Variants in ZNF670 observed in about 807,000 individuals in gnomAD.
ZNF670 encodes zinc finger protein 670.
ZNF670 carries 7 observed loss-of-function variants against 10.9 expected under a neutral mutation model. That is an observed-to-expected ratio of 0.64 (90% CI 0.36 to 1.20). The LOEUF (loss-of-function observed/expected upper bound fraction) is 1.20. Ranked by LOEUF, ZNF670 falls within the 50% of genes most tolerant of loss-of-function variation. The pLI, the probability that ZNF670 is intolerant of heterozygous loss-of-function variation, is 0.02. For synonymous variants in ZNF670, 136 were observed against 152.7 expected, an observed-to-expected ratio of 0.89 and a Z score of 0.81; for missense variants, 446 against 458.6, an observed-to-expected ratio of 0.97 and a Z score of 0.25.
At chr1:247,053,559 C>T (rs901933749) in intron 1 of ZNF670, among the ~76,000 whole-genome samples, 1 of 152,148 alleles carries the variant, frequency 6.6e-6, no homozygotes, top group Non-Finnish European at 1.5e-5. Context: ...TGGCGTGAAC[C>T]CGTGAGGTGG....
At chr1:247,070,276 C>T (rs1671084501) in intron 1 of ZNF670, among the ~76,000 whole-genome samples, 1 of 152,156 alleles carries the variant, frequency 6.6e-6, no homozygotes, top group African/African-American at 2.4e-5. Context: ...TCAAGACCAT[C>T]CTGGCTAACA....
intron 1 of ZNF670, among the ~76,000 whole-genome samples, chr1:247,072,809 T>TATATATATATAC (rs1671160885): frequency 2.8e-5 from 1 of 35,632 alleles, no homozygotes; most frequent in Non-Finnish European, 5.3e-5. Flanking sequence ...TGTGTGTATA[T>TATATATATATAC]ATATATATAT....
chr1:247,062,425 C>T (rs905925313), intron 1 of ZNF670, among the ~76,000 whole-genome samples: 13 of 152,318 alleles, frequency 8.5e-5, no homozygotes, highest in Non-Finnish European at 1.3e-4. Flanking sequence ...CCATTTCCTT[C>T]TGGCCTCCTC....
intron 1 of ZNF670, among the ~76,000 whole-genome samples, chr1:247,066,580 C>G (rs1670984629): frequency 6.6e-6 from 1 of 152,148 alleles, no homozygotes; most frequent in African/African-American, 2.4e-5. Flanking sequence ...AAATAACATT[C>G]TAAGGCCCCT....
At chr1:247,056,086 T>C (rs1010311748) in intron 1 of ZNF670, among the ~76,000 whole-genome samples, 1 of 148,202 alleles carries the variant, frequency 6.7e-6, no homozygotes, top group Admixed American at 6.7e-5. Context: ...TTCAACACCC[T>C]ACTTTTAGCA....
intron 1 of ZNF670, among the ~76,000 whole-genome samples, chr1:247,071,148 C>G (rs1258721685): frequency 6.6e-6 from 1 of 152,140 alleles, no homozygotes; most frequent in Non-Finnish European, 1.5e-5. Context: ...CTGAATCATT[C>G]TACCAAAAAG....
At position 247,050,596 on chromosome 1, in the gene ZNF670, C is replaced by T. The variant is rs570160524; in HGVS notation, c.4-11059G>A. ...GTTCAAGCGATCCTCCTGCCTCAGCCACCCGAATAGCTGGGACTACAAGCA... is the reference window on the plus strand; with the variant it reads ...GTTCAAGCGATCCTCCTGCCTCAGCTACCCGAATAGCTGGGACTACAAGCA... On this transcript the variant is annotated intron_variant, in intron 1 of 3. Coordinates refer to ENST00000366503, the MANE Select transcript of ZNF670 (RefSeq NM_033213.5). 1.5e-4 allele frequency among the ~76,000 whole-genome samples: 23 copies of T among 152,168 alleles called. No homozygotes were observed. The South Asian group carries it at 4.8e-3, about 32-fold the overall frequency.
At position 247,037,594 on chromosome 1, in the gene ZNF670, C is replaced by T. The variant is rs774152488; in HGVS notation, c.1025G>A (p.Cys342Tyr). The change falls in exon 4 of 4, where the codon TGT (cysteine) becomes TAT (tyrosine). Residue 342 changes from cysteine (C) to tyrosine (Y), a missense_variant. Transcript: ENST00000366503. ...ACTGGAAGAAGTAAACGACTTACCACATTCCTTACATCCATAAGGTTTCAC... is the reference window on the plus strand; with the variant it reads ...ACTGGAAGAAGTAAACGACTTACCATATTCCTTACATCCATAAGGTTTCAC... Reference protein sequence around the residue: ...TGVKPYGCKECGKSFTSSSAL... With the variant: ...TGVKPYGCKEYGKSFTSSSAL... The T allele has an allele frequency of 6.2e-7, 1 of 1,614,130 alleles. No individual in the cohort carries two copies. Among genetic ancestry groups the T allele is most frequent in the Non-Finnish European group, 8.5e-7 (1 of 1,180,008 alleles).
Position 247,037,590 on chromosome 1 carries a change from A to G in ZNF670, c.1029T>C (p.Gly343=). 4 of 1,614,028 alleles carry G rather than the reference A, an allele frequency of 2.5e-6. No individual in the cohort carries two copies. Among genetic ancestry groups the G allele is most frequent in the Non-Finnish European group, 3.4e-6 (4 of 1,179,994 alleles). The change falls in exon 4 of 4, where the codon GGT becomes GGC. Residue 343 remains glycine (G), a synonymous_variant. Coordinates refer to ENST00000366503, the MANE Select transcript of ZNF670 (RefSeq NM_033213.5). ...GGGCACTGGAAGAAGTAAACGACTTACCACATTCCTTACATCCATAAGGTT... is the reference window on the plus strand; with the variant it reads ...GGGCACTGGAAGAAGTAAACGACTTGCCACATTCCTTACATCCATAAGGTT... The part of the protein sequence containing the change: ...GVKPYGCKEC[G]KSFTSSSALR...
chr1:247,063,491 G>A (rs550837745), intron 1 of ZNF670, among the ~76,000 whole-genome samples: 1 of 151,094 alleles, frequency 6.6e-6, no homozygotes, highest in South Asian at 2.1e-4. Context: ...GCTGAGGCAG[G>A]AGAATGGCGT....
intron 1 of ZNF670, among the ~76,000 whole-genome samples, chr1:247,076,223 A>G (rs978731239): frequency 1.3e-5 from 2 of 151,732 alleles, no homozygotes; most frequent in African/African-American, 4.8e-5. Context: ...CCACCCTCCC[A>G]GGAGACACTG....
At chr1:247,069,843 G>GA (rs1480743018) in intron 1 of ZNF670, among the ~76,000 whole-genome samples, 1 of 152,210 alleles carries the variant, frequency 6.6e-6, no homozygotes, top group Non-Finnish European at 1.5e-5. Flanking sequence ...CAGAGGTTGG[G>GA]AAGTGTAGTC....
intron 1 of ZNF670, among the ~76,000 whole-genome samples, chr1:247,061,587 T>C (rs1356022852): frequency 6.6e-6 from 1 of 152,100 alleles, no homozygotes; most frequent in African/African-American, 2.4e-5. Flanking sequence ...ATAAAAGAAA[T>C]GGCAAGATGG....
At chr1:247,074,424 C>T (rs1311589668) in intron 1 of ZNF670, among the ~76,000 whole-genome samples, 2 of 151,950 alleles carry the variant, frequency 1.3e-5, no homozygotes, top group African/African-American at 4.8e-5. Context: ...TAGTTTGCTC[C>T]TTCCTATGAA....
intron 1 of ZNF670, 48 bp from the exon 2 acceptor site, chr1:247,039,585 T>G: frequency 6.7e-7 from 1 of 1,492,654 alleles, no homozygotes; most frequent in Non-Finnish European, 8.9e-7. Flanking sequence ...AGACAGACAG[T>G]ACTAAGAATC....
chr1:247,051,589 T>C (rs908494495), intron 1 of ZNF670, among the ~76,000 whole-genome samples: 2 of 152,206 alleles, frequency 1.3e-5, no homozygotes, highest in African/African-American at 4.8e-5. Flanking sequence ...AGTATGCATC[T>C]AGGTGATTAT....
At chr1:247,043,872 A>AG in intron 1 of ZNF670, 1 of 333,412 alleles carries the variant, frequency 3.0e-6, no homozygotes, top group Non-Finnish European at 5.8e-6. Context: ...AAGAGGAAAA[A>AG]AGGAGAATTA....
intron 1 of ZNF670, among the ~76,000 whole-genome samples, chr1:247,075,084 C>T (rs1376728587): frequency 2.6e-5 from 4 of 152,132 alleles, no homozygotes; most frequent in Admixed American, 2.6e-4. Flanking sequence ...AAGGGAGGCT[C>T]CCAAGGAAGA....
chr1:247,070,493 A>G (rs1671089377), intron 1 of ZNF670, among the ~76,000 whole-genome samples: 1 of 152,174 alleles, frequency 6.6e-6, no homozygotes, highest in Admixed American at 6.5e-5. Context: ...CAAACAAACA[A>G]AAAGACTTAA....
Sources: allele counts gnomAD v4.1 joint callset (sites outside exome capture counted in the v4.1 genomes callset), GRCh38; gene constraint gnomAD v4.1.1; transcripts MANE v1.5; gene names NCBI Gene and HGNC (gene_info 2026-07-23, HGNC 2026-07-21).